Variants in ASS1 observed in about 807,000 individuals in gnomAD.
ASS1 encodes the protein argininosuccinate synthase.
A neutral mutation model predicts 60.5 loss-of-function variants in ASS1; 58 were observed. That is an observed-to-expected ratio of 0.96 (90% CI 0.78 to 1.19). The LOEUF (loss-of-function observed/expected upper bound fraction) is 1.19, where lower values mean the gene tolerates loss of function less well. ASS1 is among the 50% of genes most tolerant of loss of function. The probability of loss-of-function intolerance (pLI) is 0.00; values close to 1 mark genes in which losing one functional copy is unlikely to be tolerated. For missense variants in ASS1, 454 were observed against 547.3 expected, an observed-to-expected ratio of 0.83 and a Z score of 1.70; for synonymous variants, 200 against 206.9, an observed-to-expected ratio of 0.97 and a Z score of 0.29.
At chr9:130,456,343 G>A (rs1407028334) in intron 3 of ASS1, among the ~76,000 whole-genome samples, 2 of 152,072 alleles carry the variant, frequency 1.3e-5, no homozygotes, top group Non-Finnish European at 2.9e-5. Context: ...GTGGGTGCCT[G>A]TAATCCCAGA....
intron 11 of ASS1, among the ~76,000 whole-genome samples, chr9:130,481,047 C>T (rs1846161255): frequency 1.3e-5 from 2 of 152,220 alleles, no homozygotes; most frequent in African/African-American, 4.8e-5. Flanking sequence ...CTCTAGCCTG[C>T]CTAGCCTCGT....
intron 6 of ASS1, among the ~76,000 whole-genome samples, chr9:130,467,913 T>C: frequency 6.6e-6 from 1 of 152,064 alleles, no homozygotes; most frequent in East Asian, 1.9e-4. Context: ...CAGCTTCTGG[T>C]TTTTCTAGCA....
rs1846025173 is a variant in ASS1, at chr9:130,476,611, C to T, written c.598-260C>T. 3.5e-6 allele frequency: 2 copies of T among 575,832 alleles called. No homozygotes were observed. The highest frequency in any genetic ancestry group is 3.0e-5 in the Admixed American group (1 of 33,442). 35.7% of individuals were successfully genotyped at this position (575,832 alleles called of 1,614,324 possible). On this transcript the variant is annotated intron_variant, in intron 8 of 14. Coordinates refer to ENST00000352480, the MANE Select transcript of ASS1 (RefSeq NM_054012.4). This position sits in a 1 kb window ranked among gnomAD's most constrained non-coding sequence, Gnocchi z 4.9. ...TGTTCCTCTCCAGCTATTCTACCTC[C>T]AGCTGTGGGGGCGTCGAAGAAAAAG... is the stretch of plus-strand genomic sequence containing the variant.
chr9:130,476,655 G>GA lies in ASS1; in HGVS notation c.598-211dup, dbSNP rs1846027574. The GA allele has an allele frequency of 3.3e-6, 2 of 608,660 alleles. No homozygotes were observed. The highest frequency in any genetic ancestry group is 5.9e-6 in the Non-Finnish European group (2 of 340,974). 37.7% of individuals were successfully genotyped at this position (608,660 alleles called of 1,614,324 possible). On this transcript the variant is annotated intron_variant, in intron 8 of 14. Transcript: ENST00000352480. This position sits in a 1 kb window ranked among gnomAD's most constrained non-coding sequence, Gnocchi z 4.9. ...GAAAAAGATGAGATCAAGTTGAGGGGAAAAATTGTCTGATTTCTCCAGCCC... is the reference window on the plus strand; with the variant it reads ...GAAAAAGATGAGATCAAGTTGAGGGGAAAAAATTGTCTGATTTCTCCAGCCC...
intron 13 of ASS1, among the ~76,000 whole-genome samples, chr9:130,498,360 TCTCAGAGG>T (rs1420794354): frequency 1.3e-5 from 2 of 152,144 alleles, no homozygotes; most frequent in South Asian, 2.1e-4. Flanking sequence ...GACCCCATCC[TCTCAGAGG>T]CTCAGAGGCT....
chr9:130,499,273 G>A (rs1360862602), intron 13 of ASS1, among the ~76,000 whole-genome samples: 1 of 152,220 alleles, frequency 6.6e-6, no homozygotes, highest in Non-Finnish European at 1.5e-5. Context: ...GGAAGAGGCT[G>A]CTGTGTGCTC....
At chr9:130,462,406 G>A (rs1845619502) in intron 4 of ASS1, among the ~76,000 whole-genome samples, 1 of 152,170 alleles carries the variant, frequency 6.6e-6, no homozygotes, top group African/African-American at 2.4e-5. Flanking sequence ...CCTGGTGCTG[G>A]GGTCTTGGGG....
At chr9:130,472,424 C>T (rs1845889879) in intron 8 of ASS1, among the ~76,000 whole-genome samples, 1 of 152,136 alleles carries the variant, frequency 6.6e-6, no homozygotes, top group Non-Finnish European at 1.5e-5. Flanking sequence ...TGGCAGCCAC[C>T]ATGTCTGGGG....
At chr9:130,493,868 G>A (rs903207427) in intron 12 of ASS1, among the ~76,000 whole-genome samples, 4 of 152,172 alleles carry the variant, frequency 2.6e-5, no homozygotes, top group African/African-American at 9.7e-5. Flanking sequence ...TAGGGCTCTC[G>A]GGGAGAGGGG....
At chr9:130,501,274 AGTGAGTGTGTGTGTGT>A, downstream of ASS1, 1 of 446,728 alleles carries the variant, frequency 2.2e-6, no homozygotes, top group South Asian at 2.2e-5. Context: ...TTTTATTTCT[AGTGAGTGTGTGTGTGT>A]GTGTGTGTGT....
In ASS1 at chr9:130,459,514, C is replaced by T. The variant is rs1047915909; in HGVS notation, c.363+925C>T. On this transcript the variant is annotated intron_variant, in intron 4 of 14. Coordinates refer to ENST00000352480, the MANE Select transcript of ASS1 (RefSeq NM_054012.4). This position sits in a 1 kb window ranked among gnomAD's most constrained non-coding sequence, Gnocchi z 4.6. ...TGGCTCGATCTTGGCTCACTGCAAC[C>T]TCTGCCTCCCAGATTGAAGCAATTC... 2.0e-5 allele frequency among the ~76,000 whole-genome samples: 3 copies of T among 152,120 alleles called. No individual in the cohort carries two copies. The highest frequency in any genetic ancestry group is 4.4e-5 in the Non-Finnish European group (3 of 68,036).
At chr9:130,465,056 A>ATTT (rs796874986) in intron 5 of ASS1, among the ~76,000 whole-genome samples, 20 of 120,134 alleles carry the variant, frequency 1.7e-4, no homozygotes, top group Admixed American at 2.4e-4. Flanking sequence ...ATATATATAT[A>ATTT]TTTTTTTTTT....
At chr9:130,498,074 G>A (rs764917943) in intron 13 of ASS1, among the ~76,000 whole-genome samples, 13 of 152,116 alleles carry the variant, frequency 8.5e-5, no homozygotes, top group African/African-American at 1.2e-4. Context: ...AGAGTTCCAC[G>A]CACCCACCGG....
chr9:130,479,105 C>G (rs909571502), intron 9 of ASS1, among the ~76,000 whole-genome samples: 2 of 152,018 alleles, frequency 1.3e-5, no homozygotes, highest in African/African-American at 2.4e-5. Flanking sequence ...ACCCACTGCC[C>G]CCACCCAACC....
At chr9:130,475,780 G>A (rs965425451) in intron 8 of ASS1, among the ~76,000 whole-genome samples, 4 of 147,782 alleles carry the variant, frequency 2.7e-5, no homozygotes, top group South Asian at 4.3e-4. Flanking sequence ...GGTGGGGGAC[G>A]GAATCTTGCT....
At chr9:130,462,720 G>A (rs1845630906) in intron 4 of ASS1, among the ~76,000 whole-genome samples, 2 of 152,176 alleles carry the variant, frequency 1.3e-5, no homozygotes, top group Non-Finnish European at 2.9e-5. Flanking sequence ...GAACGGGGCC[G>A]GCTGGGGGTC....
chr9:130,484,409 A>C (rs1846252240), intron 11 of ASS1, among the ~76,000 whole-genome samples: 1 of 148,580 alleles, frequency 6.7e-6, no homozygotes, highest in Non-Finnish European at 1.5e-5. Context: ...CCCCCCAGCC[A>C]CCCCTGGCCA....
chr9:130,496,868 G>A lies in ASS1; in HGVS notation c.1127+1845G>A, dbSNP rs376117550. 2.4e-3 allele frequency among the ~76,000 whole-genome samples: 367 copies of A among 152,360 alleles called. 1 individual carries two copies. Among genetic ancestry groups the A allele is most frequent in the Non-Finnish European group, 4.4e-3 (299 of 68,032 alleles). ...GTGGGACAGACAGCCCCCACTAGAC[G>A]TGGGTCCCCTAAGGCCCAGCTTAGC... On this transcript the variant is annotated intron_variant, in intron 13 of 14. Transcript: ENST00000352480.
intron 1 of ASS1, among the ~76,000 whole-genome samples, chr9:130,446,038 G>A (rs1319108591): frequency 1.3e-5 from 2 of 152,158 alleles, no homozygotes; most frequent in Non-Finnish European, 2.9e-5. Context: ...ATTTATCAGA[G>A]ATGTGGACTC....
Sources: gnomAD v4.1 joint callset for allele counts (sites outside exome capture counted in the v4.1 genomes callset) on GRCh38, gnomAD v4.1.1 for gene constraint, Gnocchi (gnomAD v3.1) non-coding constraint, MANE v1.5 for transcripts, NCBI Gene and HGNC (gene_info 2026-07-23, HGNC 2026-07-21) for gene names.